Variants in FAM184A observed in about 807,000 individuals in gnomAD.
FAM184A encodes protein FAM184A.
In FAM184A, 99 loss-of-function variants were observed where a neutral mutation model predicts 143.8. The ratio of observed to expected loss-of-function variants is 0.69; its 90% CI spans 0.58 to 0.81. The LOEUF is 0.81. Among genes scored for constraint, FAM184A ranks in the 40% least tolerant of loss-of-function variants. The pLI is 0.00. For synonymous variants in FAM184A, 427 were observed against 446.4 expected (o/e 0.96, Z 0.55); for missense variants, 1,217 against 1,310.5 (o/e 0.93, Z 1.10).
intron 1 of FAM184A, among the ~76,000 whole-genome samples, chr6:119,084,081 GAGAGAGAGAGAA>G (rs1443196506): frequency 3.4e-5 from 5 of 147,922 alleles, no homozygotes; most frequent in Non-Finnish European, 1.5e-5. Flanking sequence ...TGGCAGGAGA[GAGAGAGAGAGAA>G]AGAGAGAGAG....
intron 14 of FAM184A, among the ~76,000 whole-genome samples, chr6:118,973,248 C>T (rs369935517): frequency 1.3e-5 from 2 of 152,154 alleles, no homozygotes; most frequent in Non-Finnish European, 2.9e-5. Context: ...TGCATGTGTG[C>T]GTCTGTATGT....
chr6:119,115,434 G>A (rs181540857), intron 1 of FAM184A, among the ~76,000 whole-genome samples: 2 of 152,294 alleles, frequency 1.3e-5, no homozygotes, highest in African/African-American at 2.4e-5. Flanking sequence ...GCTCATGCCC[G>A]TAAACCTGGC....
chr6:119,027,799 G>A (rs1005167436), intron 1 of FAM184A, among the ~76,000 whole-genome samples: 1 of 152,174 alleles, frequency 6.6e-6, no homozygotes, highest in Non-Finnish European at 1.5e-5. Flanking sequence ...AGGGGGAAAT[G>A]AAGACTAAAT....
rs544413984 is a variant in FAM184A at position 119,144,509 on chromosome 6, C to A, written c.-202+4569G>T. 6.9e-3 allele frequency among the ~76,000 whole-genome samples: 1,050 copies of A among 152,344 alleles called. 9 individuals carry two copies. The highest frequency in any genetic ancestry group is 0.017 in the Middle Eastern group (5 of 294). ...GGCACACACTCTGCCACTGTTAGTC[C>A]AAACTGCTGTTAGAGTCAGCGTGGC... On this transcript the variant is annotated intron_variant, in intron 1 of 16. Coordinates refer to the FAM184A transcript ENST00000352896.
chr6:118,961,864 G>T lies in FAM184A; in HGVS notation c.3238C>A (p.Arg1080Ser). 1 of 1,613,834 alleles carries T rather than the reference G, an allele frequency of 6.2e-7. No individual in the cohort carries two copies. Residue 1080 changes from arginine (R) to serine (S), a missense_variant, in exon 17 of 18, where the codon CGC (arginine) becomes AGC (serine). Coordinates refer to ENST00000338891, the MANE Select transcript of FAM184A (RefSeq NM_024581.6). ...GGAGAATTAGGAATGGGATCCAGGC[G>T]GTTAGGATGTCCATTGCCCACTCCA... ...SGGVGNGHPN[R>S]LDPIPNSPVH... is the part of the protein sequence containing the mutation.
chr6:119,078,074 G>C lies in FAM184A; in HGVS notation c.159+67C>G, dbSNP rs894804276. The C allele has an allele frequency of 6.6e-6, 10 of 1,512,160 alleles. No homozygotes were observed. Among genetic ancestry groups the C allele is most frequent in the Admixed American group, 4.1e-5 (2 of 49,204 alleles). The allele number at this position is 1,512,160 out of a possible 1,614,324, so 93.7% of individuals were successfully genotyped here. A position where few individuals can be genotyped will look rare whatever the true frequency, so the allele number is the denominator to read the frequency against. On this transcript the variant is annotated intron_variant, in intron 1 of 17. Transcript: ENST00000338891. The surrounding 1 kb of genome is among the most constrained non-coding windows in gnomAD (Gnocchi z 5.5). ...GCGGGCGCAGGGCGCACTGCCTCCCGGGGAGACAGGTGAGTCCGGCGCGGC... is the reference window on the plus strand; with the variant it reads ...GCGGGCGCAGGGCGCACTGCCTCCCCGGGAGACAGGTGAGTCCGGCGCGGC...
rs1297722781 is a variant in FAM184A at position 119,078,509 on chromosome 6, G to A, written c.-210C>T. ...GGTCCCGCCGGCCCGAAGCCGCGGG[G>A]ACAACGGCGCGGGGCAGATGCCCGG... On this transcript the variant is annotated 5_prime_UTR_variant, in exon 1 of 18. Transcript: ENST00000338891. The surrounding 1 kb of genome is among the most constrained non-coding windows in gnomAD (Gnocchi z 5.5). 3 of 388,330 alleles carry A rather than the reference G, an allele frequency of 7.7e-6. No homozygotes were observed. The highest frequency in any genetic ancestry group is 1.3e-5 in the Non-Finnish European group (3 of 226,146). The allele number at this position is 388,330 out of a possible 1,614,324, so 24.1% of individuals were successfully genotyped here.
chr6:118,995,432 A>G (rs146438363), intron 9 of FAM184A, among the ~76,000 whole-genome samples: 1 of 152,294 alleles, frequency 6.6e-6, no homozygotes, highest in African/African-American at 2.4e-5. Flanking sequence ...AAAAGAAAAA[A>G]AATGTCCAAT....
At chr6:119,086,840 C>T (rs546743770) in intron 1 of FAM184A, among the ~76,000 whole-genome samples, 1 of 152,160 alleles carries the variant, frequency 6.6e-6, no homozygotes, top group East Asian at 1.9e-4. Flanking sequence ...GACTAGTTAG[C>T]AGGCTATTGC....
At chr6:118,963,917 T>G (rs556903455) in intron 16 of FAM184A, 1 of 152,070 alleles carries the variant, frequency 6.6e-6, no homozygotes. Flanking sequence ...ATTGGAGCCA[T>G]GGGAAGCTAG....
At chr6:118,972,443 ACAC>A (rs1783723943) in intron 14 of FAM184A, among the ~76,000 whole-genome samples, 1 of 152,190 alleles carries the variant, frequency 6.6e-6, no homozygotes, top group Admixed American at 6.5e-5. Flanking sequence ...AAAGGAGTAA[ACAC>A]CTAAAGCTAG....
At chr6:118,987,320 G>A (rs142376208) in intron 9 of FAM184A, among the ~76,000 whole-genome samples, 34 of 152,286 alleles carry the variant, frequency 2.2e-4, no homozygotes, top group African/African-American at 7.7e-4. Flanking sequence ...GTCCTTTACA[G>A]AAAAGTCTGC....
intron 17 of FAM184A, chr6:118,960,665 CTA>C: frequency 2.1e-6 from 1 of 477,572 alleles, no homozygotes; most frequent in East Asian, 7.4e-5. Context: ...AGGGAGAACA[CTA>C]AAAATATAAT....
chr6:119,058,244 C>A (rs1382659030), intron 1 of FAM184A, among the ~76,000 whole-genome samples: 1 of 133,030 alleles, frequency 7.5e-6, no homozygotes, highest in South Asian at 2.4e-4. Context: ...AGAGCAGTGG[C>A]GTGATCTTGG....
intron 1 of FAM184A, among the ~76,000 whole-genome samples, chr6:119,068,529 T>G (rs546542228): frequency 1.3e-5 from 2 of 152,050 alleles, no homozygotes; most frequent in Non-Finnish European, 2.9e-5. Flanking sequence ...CAGCCCTGAG[T>G]GGTTAAAATA....
At chr6:119,019,863 A>T (rs1785382425) in intron 4 of FAM184A, 115 bp downstream of exon 4, 1 of 924,186 alleles carries the variant, frequency 1.1e-6, no homozygotes, top group East Asian at 2.7e-5. Context: ...ATAACTACTA[A>T]AGTAGGAAAT....
chr6:119,010,021 G>C (rs193103814), intron 6 of FAM184A, among the ~76,000 whole-genome samples: 1 of 152,246 alleles, frequency 6.6e-6, no homozygotes, highest in East Asian at 1.9e-4. Context: ...GCAGCTGCTA[G>C]GCCATGTGTG....
chr6:118,974,630 C>T (rs1783794228), intron 13 of FAM184A, 56 bp from the exon 14 acceptor site: 2 of 1,423,876 alleles, frequency 1.4e-6, no homozygotes, highest in Non-Finnish European at 1.9e-6. Flanking sequence ...GCTTTCAAAA[C>T]TTTCTATTAT....
chr6:119,037,379 TG>T (rs1786153994), intron 1 of FAM184A, among the ~76,000 whole-genome samples: 1 of 152,204 alleles, frequency 6.6e-6, no homozygotes, highest in Non-Finnish European at 1.5e-5. Flanking sequence ...TTGCCCAGGC[TG>T]GGCCTTGAAC....
Sources: allele counts gnomAD v4.1 joint callset (sites outside exome capture counted in the v4.1 genomes callset), GRCh38; gene constraint gnomAD v4.1.1; non-coding constraint Gnocchi (gnomAD v3.1); transcripts MANE v1.5; gene names NCBI Gene and HGNC (gene_info 2026-07-23, HGNC 2026-07-21).